Variants in DNHD1 observed in about 807,000 individuals in gnomAD.
DNHD1 encodes dynein heavy chain domain 1, also known as dynein heavy chain domain-containing protein 1.
Under a neutral mutation model 458.1 loss-of-function variants are expected in DNHD1, and 383 were observed. That is an observed-to-expected ratio of 0.84 (90% CI 0.77 to 0.91). The LOEUF (loss-of-function observed/expected upper bound fraction) is 0.91. Ranked by LOEUF, DNHD1 falls within the 40% of genes least tolerant of loss-of-function variation. The pLI is 0.00. For missense variants in DNHD1, 5,336 were observed against 5,866.1 expected, an observed-to-expected ratio of 0.91 and a Z score of 2.95; for synonymous variants, 2,203 against 2,376.9, an observed-to-expected ratio of 0.93 and a Z score of 2.13.
In DNHD1 at chr11:6,556,813, G is replaced by A; in HGVS notation, c.7518G>A (p.Val2506=). The change falls in exon 25 of 43, where the codon GTG becomes GTA. Residue 2506 remains valine, a synonymous_variant. Coordinates refer to ENST00000254579, the MANE Select transcript of DNHD1 (RefSeq NM_144666.3). The part of the protein sequence containing the change: ...PTVNFLATVT[V]PGYCERPLCP... Reference sequence around the variant, plus strand: ...TCAACTTCCTTGCCACTGTCACAGTGCCAGGATACTGTGAGCGCCCACTGT... The same window carrying A: ...TCAACTTCCTTGCCACTGTCACAGTACCAGGATACTGTGAGCGCCCACTGT... 1.3e-6 allele frequency: 2 copies of A among 1,551,654 alleles called. No homozygotes were observed. Among genetic ancestry groups the A allele is most frequent in the East Asian group, 2.4e-5 (1 of 40,912 alleles).
chr11:6,545,463 G>A lies in DNHD1; in HGVS notation c.4524G>A (p.Trp1508Ter), dbSNP rs1392481178. The change falls in exon 21 of 43, where the codon TGG (tryptophan) becomes TGA (stop). Residue 1508 changes from tryptophan (W) to a stop codon, truncating the protein, a stop_gained. Coordinates refer to ENST00000254579, the MANE Select transcript of DNHD1 (RefSeq NM_144666.3). LOFTEE classifies it high-confidence loss of function. The surrounding 1 kb of genome is among the most constrained non-coding windows in gnomAD (Gnocchi z 4.9). ...TCGACTTAGTCCAGGCCTTCCCATG[G>A]CAGTGTGTGCTGGTGGCAGAGGAGG... Reference protein sequence around the residue: ...HWIDLVQAFPWQCVLVAEEVV... With the variant: ...HWIDLVQAFP 6.4e-7 allele frequency: 1 copy of A among 1,551,868 alleles called. No homozygotes were observed. Among genetic ancestry groups the A allele is most frequent in the Non-Finnish European group, 8.7e-7 (1 of 1,147,034 alleles).
rs1281808654 is a variant in DNHD1, at chr11:6,568,442, G to T, written c.12539-12G>T. On this transcript the variant is annotated splice_polypyrimidine_tract_variant and intron_variant, in intron 37 of 42. Transcript: ENST00000254579. Reference sequence around the variant, plus strand: ...ATCCAAGGACTGATCTCAGACCCTTGTCTGACTCTAGTGGTTGCAGACCTG... The same window carrying T: ...ATCCAAGGACTGATCTCAGACCCTTTTCTGACTCTAGTGGTTGCAGACCTG... 3.7e-6 allele frequency: 6 copies of T among 1,612,764 alleles called. No individual in the cohort carries two copies. Among genetic ancestry groups the T allele is most frequent in the Non-Finnish European group, 5.1e-6 (6 of 1,179,876 alleles).
chr11:6,523,525 T>C (rs528741913), intron 10 of DNHD1, among the ~76,000 whole-genome samples: 4 of 152,252 alleles, frequency 2.6e-5, no homozygotes, highest in South Asian at 4.1e-4. Flanking sequence ...AGGAAACCTA[T>C]AGTAAAGATC....
Position 6,547,939 on chromosome 11 carries a change from T to C in DNHD1, c.6804T>C (p.Val2268=), listed in dbSNP as rs1853259123. 1.3e-6 allele frequency: 2 copies of C among 1,551,890 alleles called. No individual in the cohort carries two copies. Among genetic ancestry groups the C allele is most frequent in the Non-Finnish European group, 1.7e-6 (2 of 1,147,024 alleles). Residue 2268 remains valine (V), a synonymous_variant, in exon 22 of 43, where the codon GTT becomes GTC. Transcript: ENST00000254579. The part of the protein sequence containing the change: ...SKSSFLNRSQ[V]DSDDVPDKCR... ...GCAGCTTTCTAAACCGGTCCCAGGT[T>C]GACAGTGACGATGTGCCAGATAAGT...
intron 37 of DNHD1, 39 bp downstream of exon 37, chr11:6,568,281 C>T (rs749695821): frequency 2.6e-5 from 40 of 1,532,190 alleles, no homozygotes; most frequent in Non-Finnish European, 3.2e-5. Context: ...GGATCCTATC[C>T]TACACTTGGG....
At chr11:6,554,605 T>G (rs1364861088) in intron 24 of DNHD1, among the ~76,000 whole-genome samples, 1 of 152,084 alleles carries the variant, frequency 6.6e-6, no homozygotes, top group Non-Finnish European at 1.5e-5. Flanking sequence ...ACAAACATCA[T>G]CCCAATGTTT....
chr11:6,514,241 T>G (rs1852408925), intron 7 of DNHD1, among the ~76,000 whole-genome samples: 1 of 152,094 alleles, frequency 6.6e-6, no homozygotes, highest in South Asian at 2.1e-4. Context: ...GTAACTGGGA[T>G]TACAGGTGTG....
At chr11:6,526,271 A>G (rs1251623972) in intron 10 of DNHD1, among the ~76,000 whole-genome samples, 1 of 151,950 alleles carries the variant, frequency 6.6e-6, no homozygotes, top group Non-Finnish European at 1.5e-5. Flanking sequence ...TTCATTTATA[A>G]TTCTTTCCAT....
chr11:6,510,552 C>T (rs139736083), intron 6 of DNHD1, among the ~76,000 whole-genome samples: 28 of 152,208 alleles, frequency 1.8e-4, no homozygotes, highest in African/African-American at 4.1e-4. Context: ...GCTTGGGAGA[C>T]GGGACAAATC....
intron 7 of DNHD1, among the ~76,000 whole-genome samples, chr11:6,513,435 T>C (rs746489030): frequency 7.9e-5 from 12 of 152,234 alleles, no homozygotes; most frequent in African/African-American, 2.2e-4. Flanking sequence ...TTGTCTCATT[T>C]TGAATTTCAT....
rs16915382 is a variant in DNHD1, at chr11:6,558,124, G to C, written c.8829G>C (p.Leu2943=). 0.15 allele frequency: 226,718 copies of C among 1,551,582 alleles called. 23,211 individuals carry two copies. Among genetic ancestry groups the C allele is most frequent in the African/African-American group, 0.52 (38,115 of 73,056 alleles). The change falls in exon 25 of 43, where the codon CTG becomes CTC. Residue 2943 remains leucine, a synonymous_variant. Transcript: ENST00000254579. ...GCATGTTAAGCCAGCCAGTGGCTCT[G>C]TTGGTACCCAGTGGTGTGGATCTCA... is the stretch of plus-strand genomic sequence containing the variant. The part of the protein sequence containing the change: ...HAGMLSQPVA[L]LVPSGVDLTT...
In DNHD1 at chr11:6,547,294, C is replaced by T; in HGVS notation, c.6355C>T (p.Pro2119Ser). Residue 2119 changes from proline (P) to serine (S), a missense_variant, in exon 21 of 43, where the codon CCC becomes TCC. Pro to Ser is a moderately conservative substitution (Grantham distance 74). This residue lies in a region of DNHD1 where 3,932 missense variants were observed against 4,365.6 expected (regional missense o/e 0.90). Coordinates refer to ENST00000254579, the MANE Select transcript of DNHD1 (RefSeq NM_144666.3). ...SLPSGQQIAR[P>S]PGTFLLMEVA... ...CCCCAGTGGACAGCAGATAGCACGA[C>T]CCCCAGGCACCTTTCTCTTGATGGA... is the stretch of plus-strand genomic sequence containing the variant. 1 of 1,551,808 alleles carries T rather than the reference C, an allele frequency of 6.4e-7. No homozygotes were observed. The highest frequency in any genetic ancestry group is 8.7e-7 in the Non-Finnish European group (1 of 1,146,984).
At chr11:6,565,100 G>C (rs1420102530) in intron 32 of DNHD1, among the ~76,000 whole-genome samples, 1 of 152,142 alleles carries the variant, frequency 6.6e-6, no homozygotes, top group Non-Finnish European at 1.5e-5. Flanking sequence ...TGTTGGCTCT[G>C]TTTGGATCGG....
chr11:6,545,213 TA>T lies in DNHD1; in HGVS notation c.4275del (p.Ala1427GlnfsTer6). On this transcript the variant is annotated frameshift_variant, in exon 21 of 43. Transcript: ENST00000254579. The surrounding 1 kb of genome is among the most constrained non-coding windows in gnomAD (Gnocchi z 4.9). ...TQTQVEALAV[L>X]GAGGEEVKLQ... ...ACTCAGGTGGAGGCACTTGCAGTGC[TA>T]GGGGCAGGTGGGGAGGAGGTGAAGC... 1 of 1,551,910 alleles carries T rather than the reference TA, an allele frequency of 6.4e-7. No homozygotes were observed. The highest frequency in any genetic ancestry group is 8.7e-7 in the Non-Finnish European group (1 of 1,147,038).
chr11:6,560,849 C>T (rs1853572916), intron 28 of DNHD1, among the ~76,000 whole-genome samples: 1 of 152,088 alleles, frequency 6.6e-6, no homozygotes, highest in South Asian at 2.1e-4. Flanking sequence ...CATTATTGCA[C>T]TCAACAAAAA....
chr11:6,551,746 T>C (rs7108012), intron 24 of DNHD1, among the ~76,000 whole-genome samples: 5 of 152,068 alleles, frequency 3.3e-5, no homozygotes, highest in Non-Finnish European at 5.9e-5. Flanking sequence ...ATGGAGACCA[T>C]CCTGGCCAAC....
In DNHD1 at chr11:6,569,998, C is replaced by T; in HGVS notation, c.12864-11C>T. 1 of 1,612,732 alleles carries T rather than the reference C, an allele frequency of 6.2e-7. No individual in the cohort carries two copies. The highest frequency in any genetic ancestry group is 8.5e-7 in the Non-Finnish European group (1 of 1,178,922). The stretch of plus-strand genomic sequence containing the variant: ...ATATGTGAAACCCTGCTTTCCGCTC[C>T]CCTTCTCTAGGAGTCAAGTGACTCT... On this transcript the variant is annotated splice_polypyrimidine_tract_variant and intron_variant, in intron 39 of 42. Transcript: ENST00000254579.
chr11:6,532,982 C>T lies in DNHD1; in HGVS notation c.2348-45C>T. 3 of 1,539,216 alleles carry T rather than the reference C, an allele frequency of 1.9e-6. No individual in the cohort carries two copies. The East Asian group carries it at 7.3e-5, about 38-fold the overall frequency. On this transcript the variant is annotated intron_variant, in intron 12 of 42. Coordinates refer to ENST00000254579, the MANE Select transcript of DNHD1 (RefSeq NM_144666.3). ...GACCACAGCACTGTCCCCAGCACCC[C>T]TTCTTTTTTATGCGTCCCCTCACAC...
chr11:6,571,332 C>T lies in DNHD1; in HGVS notation c.13820C>T (p.Pro4607Leu), dbSNP rs770241662. ...GAAGCTGCCCTGGACCAGAATGTGC[C>T]CAGCTCGAATTTCCCTGGTAGCCGA... ...RGEAALDQNV[P>L]SSNFPGSRGS... is the part of the protein sequence containing the mutation. The change falls in exon 42 of 43, where the codon CCC becomes CTC. Residue 4607 changes from proline (P) to leucine (L), a missense_variant. This residue lies in a region of DNHD1 where 698 missense variants were observed against 664.9 expected (regional missense o/e 1.05). Transcript: ENST00000254579. This position sits in a 1 kb window ranked among gnomAD's most constrained non-coding sequence, Gnocchi z 5.0. 9 of 1,612,414 alleles carry T rather than the reference C, an allele frequency of 5.6e-6. No individual in the cohort carries two copies. Among genetic ancestry groups the T allele is most frequent in the South Asian group, 5.5e-5 (5 of 90,860 alleles).
Sources: gnomAD v4.1 joint callset for allele counts (sites outside exome capture counted in the v4.1 genomes callset) on GRCh38, gnomAD v4.1.1 for gene constraint, gnomAD v4.1.1 regional missense constraint, Gnocchi (gnomAD v3.1) non-coding constraint, MANE v1.5 for transcripts, NCBI Gene and HGNC (gene_info 2026-07-23, HGNC 2026-07-21) for gene names.